The following NME7 variants were observed in gnomAD, a reference collection of about 807,000 sequenced individuals.
The protein encoded by NME7 is nucleoside diphosphate kinase 7.
A neutral mutation model predicts 49.1 loss-of-function variants in NME7; 41 were observed. The ratio of observed to expected loss-of-function variants is 0.83; its 90% CI spans 0.65 to 1.08. The LOEUF (loss-of-function observed/expected upper bound fraction) is 1.08, where lower values mean the gene tolerates loss of function less well. Among genes scored for constraint, NME7 ranks in the 50% least tolerant of loss-of-function variants. The pLI is 0.00. For missense variants in NME7, 423 were observed against 463.4 expected (o/e 0.91, Z 0.80); for synonymous variants, 139 against 150.6 (o/e 0.92, Z 0.56).
intron 7 of NME7, among the ~76,000 whole-genome samples, chr1:169,238,481 A>G (rs1231718735): frequency 8.2e-6 from 1 of 122,458 alleles, no homozygotes; most frequent in Non-Finnish European, 1.8e-5. Context: ...ACAAAGGCAC[A>G]CACACACACA....
At chr1:169,149,912 CGGA>C (rs1455566708) in intron 11 of NME7, among the ~76,000 whole-genome samples, 1 of 152,178 alleles carries the variant, frequency 6.6e-6, no homozygotes, top group Admixed American at 6.5e-5. Flanking sequence ...TTATTGAATT[CGGA>C]TTATACAGTT....
intron 6 of NME7, among the ~76,000 whole-genome samples, chr1:169,297,362 G>C (rs549054397): frequency 6.6e-6 from 1 of 152,080 alleles, no homozygotes. Flanking sequence ...CCCTAAAATG[G>C]CTCTCTATTT....
intron 3 of NME7, among the ~76,000 whole-genome samples, chr1:169,319,926 T>C (rs974688159): frequency 7.9e-5 from 12 of 152,206 alleles, no homozygotes; most frequent in Non-Finnish European, 1.5e-4. Context: ...AATAGGATAC[T>C]AGCATTATTT....
intron 10 of NME7, among the ~76,000 whole-genome samples, chr1:169,199,381 C>A (rs1660477802): frequency 6.6e-6 from 1 of 150,930 alleles, no homozygotes; most frequent in Admixed American, 6.6e-5. Flanking sequence ...CCACACTTGC[C>A]AAGAGCAAAG....
rs1024676866 is a variant in NME7, at chr1:169,336,261, T to C, written c.4-11761A>G. Among the ~76,000 whole-genome samples, 8 of 152,176 alleles carry C rather than the reference T, an allele frequency of 5.3e-5. No individual in the cohort carries two copies. The East Asian group carries it at 1.5e-3, about 29-fold the overall frequency. On this transcript the variant is annotated intron_variant, in intron 1 of 11. Transcript: ENST00000367811. Reference sequence around the variant, plus strand: ...AGTGTTACAGCTCATAAAAGCAGCATGGACCCAAAGAGTGAGCAGTAGCAA... The same window carrying C: ...AGTGTTACAGCTCATAAAAGCAGCACGGACCCAAAGAGTGAGCAGTAGCAA...
intron 10 of NME7, among the ~76,000 whole-genome samples, chr1:169,188,709 A>C (rs1476652976): frequency 6.6e-6 from 1 of 152,216 alleles, no homozygotes; most frequent in Admixed American, 6.5e-5. Context: ...CACAACAAAC[A>C]CATCTTTTCC....
chr1:169,186,077 T>C (rs1451684461), intron 10 of NME7, among the ~76,000 whole-genome samples: 1 of 152,142 alleles, frequency 6.6e-6, no homozygotes, highest in Non-Finnish European at 1.5e-5. Context: ...ACCAAACAGA[T>C]TGAATTGCAA....
chr1:169,220,762 T>A (rs1277211535), intron 10 of NME7, among the ~76,000 whole-genome samples: 1 of 152,254 alleles, frequency 6.6e-6, no homozygotes, highest in Non-Finnish European at 1.5e-5. Context: ...AATGTATTTT[T>A]AAATTATTTT....
At chr1:169,186,274 T>C (rs1448796194) in intron 10 of NME7, among the ~76,000 whole-genome samples, 2 of 152,146 alleles carry the variant, frequency 1.3e-5, no homozygotes, top group Non-Finnish European at 2.9e-5. Flanking sequence ...AATAACAAAA[T>C]AGCACCACGG....
Position 169,178,572 on chromosome 1 carries a change from G to A in NME7, c.991-9018C>T, listed in dbSNP as rs116025451. The stretch of plus-strand genomic sequence containing the variant: ...TGCAACACTTAAGAAACTTAAGTTC[G>A]TAAATAGCTACTTCCTTGAATCGAA... On this transcript the variant is annotated intron_variant, in intron 10 of 11. Coordinates refer to ENST00000367811, the MANE Select transcript of NME7 (RefSeq NM_013330.5). Among the ~76,000 whole-genome samples, 1,443 of 152,178 alleles carry A rather than the reference G, an allele frequency of 9.5e-3. 30 individuals carry two copies. The highest frequency in any genetic ancestry group is 0.032 in the African/African-American group (1,319 of 41,468).
At chr1:169,305,093 A>G (rs985818776) in intron 4 of NME7, among the ~76,000 whole-genome samples, 2 of 152,226 alleles carry the variant, frequency 1.3e-5, no homozygotes, top group African/African-American at 4.8e-5. Flanking sequence ...TTTTCATCCA[A>G]CATGTCCCTG....
At chr1:169,337,110 G>A (rs1213962137) in intron 1 of NME7, among the ~76,000 whole-genome samples, 1 of 152,238 alleles carries the variant, frequency 6.6e-6, no homozygotes, top group Non-Finnish European at 1.5e-5. Flanking sequence ...ATGGGACTGG[G>A]CGCCATGGAG....
At chr1:169,347,025 A>G (rs1652975125) in intron 1 of NME7, among the ~76,000 whole-genome samples, 1 of 152,148 alleles carries the variant, frequency 6.6e-6, no homozygotes, top group African/African-American at 2.4e-5. Flanking sequence ...GAATGTAAAA[A>G]TAAAAAATAT....
At chr1:169,246,201 G>A (rs1648305484) in intron 7 of NME7, among the ~76,000 whole-genome samples, 1 of 152,176 alleles carries the variant, frequency 6.6e-6, no homozygotes, top group Non-Finnish European at 1.5e-5. Flanking sequence ...AGATACTCAG[G>A]AGGCTAAGGT....
intron 6 of NME7, among the ~76,000 whole-genome samples, chr1:169,295,114 C>T (rs147496946): frequency 1.3e-5 from 2 of 152,216 alleles, no homozygotes; most frequent in African/African-American, 4.8e-5. Context: ...GTGGAAGCTG[C>T]CTGAGACCCT....
chr1:169,309,988 T>C lies in NME7; in HGVS notation c.371A>G (p.Lys124Arg). Residue 124 changes from lysine (K) to arginine (R), a missense_variant, in exon 4 of 12, where the codon AAA becomes AGA. Lys to Arg is a conservative substitution (Grantham distance 26). Coordinates refer to ENST00000367811, the MANE Select transcript of NME7 (RefSeq NM_013330.5). ...NKAGFTITKL[K>R]MMMLSRKEAL... ...AAATTACCTTGAAAGCATCATCATT[T>C]TGAGTTTGGTTATAGTAAATCCAGC... The C allele has an allele frequency of 6.3e-7, 1 of 1,586,668 alleles. No individual in the cohort carries two copies. The highest frequency in any genetic ancestry group is 1.1e-5 in the South Asian group (1 of 88,224).
intron 10 of NME7, among the ~76,000 whole-genome samples, chr1:169,227,332 T>A (rs928620770): frequency 4.6e-5 from 7 of 152,148 alleles, no homozygotes; most frequent in Admixed American, 3.9e-4. Context: ...GCCACCTTCA[T>A]CACTAAGATA....
In NME7 at chr1:169,181,651, C is replaced by G. The variant is rs910437892; in HGVS notation, c.991-12097G>C. The stretch of plus-strand genomic sequence containing the variant: ...TAGACAATTTTAATTACTGTCCTAC[C>G]TCTTCCCCTCCTTTTTAGAAGTCTT... On this transcript the variant is annotated intron_variant, in intron 10 of 11. Coordinates refer to ENST00000367811, the MANE Select transcript of NME7 (RefSeq NM_013330.5). Among the ~76,000 whole-genome samples, 11 of 152,114 alleles carry G rather than the reference C, an allele frequency of 7.2e-5. No individual in the cohort carries two copies. The East Asian group carries it at 1.5e-3, about 21-fold the overall frequency.
chr1:169,189,846 G>A (rs1479599555), intron 10 of NME7, among the ~76,000 whole-genome samples: 1 of 152,154 alleles, frequency 6.6e-6, no homozygotes, highest in African/African-American at 2.4e-5. Flanking sequence ...AAGCTGGTAA[G>A]TCAAGTTGAT....
Sources: gnomAD v4.1 joint callset for allele counts (sites outside exome capture counted in the v4.1 genomes callset) on GRCh38, gnomAD v4.1.1 for gene constraint, MANE v1.5 for transcripts, NCBI Gene and HGNC (gene_info 2026-07-23, HGNC 2026-07-21) for gene names.